SLC14A2: variants seen among roughly 807,000 people sequenced by gnomAD.
The protein encoded by SLC14A2 is solute carrier family 14 member 2.
SLC14A2 carries 91 observed loss-of-function variants against 104.6 expected under a neutral mutation model. That is an observed-to-expected ratio of 0.87 (90% CI 0.73 to 1.04). SLC14A2 has a LOEUF of 1.04. SLC14A2 is among the 50% of genes least tolerant of loss of function. The pLI, the probability that SLC14A2 is intolerant of heterozygous loss-of-function variation, is 0.00. For synonymous variants in SLC14A2, 476 were observed against 466.4 expected (o/e 1.02, Z -0.27); for missense variants, 1,189 against 1,156.0 (o/e 1.03, Z -0.41).
chr18:45,266,505 G>C (rs1210672700), intron 1 of SLC14A2, among the ~76,000 whole-genome samples: 3 of 151,812 alleles, frequency 2.0e-5, no homozygotes, highest in Non-Finnish European at 4.4e-5. Context: ...ACACTTTACT[G>C]AGTGCATGGC....
At chr18:45,510,827 A>T (rs1261300827) in intron 2 of SLC14A2, among the ~76,000 whole-genome samples, 1 of 152,154 alleles carries the variant, frequency 6.6e-6, no homozygotes, top group African/African-American at 2.4e-5. Context: ...TGCAAAGGCC[A>T]CTCACCTCAC....
intron 1 of SLC14A2, among the ~76,000 whole-genome samples, chr18:45,264,557 C>T (rs2084572610): frequency 6.6e-6 from 1 of 152,116 alleles, no homozygotes; most frequent in Non-Finnish European, 1.5e-5. Flanking sequence ...ACTCACAGTT[C>T]CACATGGCTG....
At chr18:45,587,050 C>T (rs4890551) in intron 2 of SLC14A2, among the ~76,000 whole-genome samples, 43,402 of 151,850 alleles carry the variant, frequency 0.29, 6,482 homozygotes, top group South Asian at 0.35. Flanking sequence ...TGTAGTTGTG[C>T]GATCGCAGCT....
At chr18:45,561,783 A>T (rs556100618) in intron 2 of SLC14A2, among the ~76,000 whole-genome samples, 1 of 152,218 alleles carries the variant, frequency 6.6e-6, no homozygotes, top group East Asian at 1.9e-4. Flanking sequence ...TCTCTAAAAC[A>T]CTATATAGTA....
Position 45,641,196 on chromosome 18 carries a change from C to G in SLC14A2, c.992-13C>G. 6.2e-7 allele frequency: 1 copy of G among 1,613,472 alleles called. No homozygotes were observed. Among genetic ancestry groups the G allele is most frequent in the Non-Finnish European group, 8.5e-7 (1 of 1,179,540 alleles). The stretch of plus-strand genomic sequence containing the variant: ...CCCAGAATCAGACAGAAATACCACA[C>G]CTTGTCCCATAGCCCTGTCAGTGGC... On this transcript the variant is annotated splice_polypyrimidine_tract_variant and intron_variant, in intron 7 of 19. Transcript: ENST00000255226.
At chr18:45,624,607 C>A (rs538733712) in intron 1 of SLC14A2, 24 bp from the exon 2 acceptor site, 66 of 1,556,840 alleles carry the variant, frequency 4.2e-5, no homozygotes, top group Non-Finnish European at 5.7e-5. Context: ...GACTCACTAG[C>A]TCTTTCCCTT....
At position 45,644,162 on chromosome 18, in the gene SLC14A2, T is replaced by C. The variant is rs772457758; in HGVS notation, c.1351+2T>C. On this transcript the variant is annotated splice_donor_variant, in intron 10 of 19. Transcript: ENST00000255226. LOFTEE classifies it high-confidence loss of function. ...GTGAAGAAGAGAAGGCCCCCAGCGGTGAATAGCCATGTTCGGGGAAGAAAC... is the reference window on the plus strand; with the variant it reads ...GTGAAGAAGAGAAGGCCCCCAGCGGCGAATAGCCATGTTCGGGGAAGAAAC... The C allele has an allele frequency of 1.2e-6, 2 of 1,614,040 alleles. No individual in the cohort carries two copies. The highest frequency in any genetic ancestry group is 3.3e-5 in the Admixed American group (2 of 60,022).
chr18:45,308,984 C>T (rs1482352536), intron 1 of SLC14A2, among the ~76,000 whole-genome samples: 3 of 152,110 alleles, frequency 2.0e-5, no homozygotes, highest in Admixed American at 6.6e-5. Context: ...GGGACCCAGG[C>T]GTCCGTACTT....
In SLC14A2 at chr18:45,673,758, C is replaced by T. The variant is rs748642786; in HGVS notation, c.2453C>T (p.Ala818Val). Reference sequence around the variant, plus strand: ...TTCAACAGCACCCTCGCATGCATAGCGATAGGAGGCATGTTCTACGTCATC... The same window carrying T: ...TTCAACAGCACCCTCGCATGCATAGTGATAGGAGGCATGTTCTACGTCATC... ...CGFNSTLACIAIGGMFYVITW... is the reference protein window; with the variant it reads ...CGFNSTLACIVIGGMFYVITW... The change falls in exon 18 of 20, where the codon GCG (alanine) becomes GTG (valine). Residue 818 changes from alanine (A) to valine (V), a missense_variant. Physicochemically the swap from Ala to Val is moderately conservative, Grantham distance 64. Coordinates refer to ENST00000255226, the MANE Select transcript of SLC14A2 (RefSeq NM_007163.4). 5.6e-6 allele frequency: 9 copies of T among 1,614,020 alleles called. No individual in the cohort carries two copies. In the East Asian group the frequency reaches 8.9e-5, roughly 16 times the overall value.
intron 2 of SLC14A2, among the ~76,000 whole-genome samples, chr18:45,547,138 C>T (rs1268632985): frequency 6.6e-5 from 10 of 151,912 alleles, no homozygotes; most frequent in Non-Finnish European, 1.3e-4. Context: ...CCAACCAGTT[C>T]TTGTAGTTAT....
intron 2 of SLC14A2, among the ~76,000 whole-genome samples, chr18:45,500,972 A>G (rs1034806684): frequency 2.6e-5 from 4 of 152,224 alleles, no homozygotes; most frequent in Non-Finnish European, 4.4e-5. Flanking sequence ...GGGTGAGGAA[A>G]GACAAGGGTC....
chr18:45,283,739 C>CT (rs1022316686), intron 1 of SLC14A2, among the ~76,000 whole-genome samples: 12 of 151,988 alleles, frequency 7.9e-5, no homozygotes, highest in East Asian at 5.8e-4. Flanking sequence ...TAGACAAGGT[C>CT]TTTTTTTTAG....
intron 1 of SLC14A2, among the ~76,000 whole-genome samples, chr18:45,300,440 A>G (rs930661542): frequency 1.6e-4 from 25 of 151,814 alleles, no homozygotes; most frequent in African/African-American, 5.1e-4. Context: ...CCCTCCCCAA[A>G]AAAAAAAAAG....
intron 1 of SLC14A2, among the ~76,000 whole-genome samples, chr18:45,433,270 T>G (rs1184047637): frequency 6.6e-6 from 1 of 152,230 alleles, no homozygotes; most frequent in African/African-American, 2.4e-5. Context: ...GAAGGTTAAA[T>G]GCAACAAATA....
chr18:45,475,520 G>A (rs2087343148), intron 1 of SLC14A2, among the ~76,000 whole-genome samples: 1 of 150,390 alleles, frequency 6.6e-6, no homozygotes. Flanking sequence ...CTAAGAACTT[G>A]CTTTATGAAT....
chr18:45,269,739 G>A (rs2084630965), intron 1 of SLC14A2, among the ~76,000 whole-genome samples: 1 of 152,132 alleles, frequency 6.6e-6, no homozygotes, highest in African/African-American at 2.4e-5. Flanking sequence ...GAGACACCAG[G>A]ATAAAGGGGG....
At chr18:45,541,546 A>C (rs1396376375) in intron 2 of SLC14A2, among the ~76,000 whole-genome samples, 1 of 152,238 alleles carries the variant, frequency 6.6e-6, no homozygotes, top group Non-Finnish European at 1.5e-5. Flanking sequence ...TCTAGTACAG[A>C]GTAGTTCACA....
At chr18:45,372,289 A>G (rs1280111751) in intron 1 of SLC14A2, among the ~76,000 whole-genome samples, 2 of 150,932 alleles carry the variant, frequency 1.3e-5, no homozygotes, top group African/African-American at 2.5e-5. Flanking sequence ...TCCAGCCTGG[A>G]CAACAAGTGA....
chr18:45,572,970 C>T (rs1390628819), intron 2 of SLC14A2, among the ~76,000 whole-genome samples: 2 of 152,152 alleles, frequency 1.3e-5, no homozygotes, highest in Non-Finnish European at 2.9e-5. Context: ...ACCATGTTGG[C>T]AGTTAAAAAA....
Sources: gnomAD v4.1 joint callset for allele counts (sites outside exome capture counted in the v4.1 genomes callset) on GRCh38, gnomAD v4.1.1 for gene constraint, MANE v1.5 for transcripts, NCBI Gene and HGNC (gene_info 2026-07-23, HGNC 2026-07-21) for gene names.